The following GALNT9 variants were observed in gnomAD, a reference collection of about 807,000 sequenced individuals.
The protein encoded by GALNT9 is GalNAc transferase 9.
A neutral mutation model predicts 63.1 loss-of-function variants in GALNT9; 47 were observed. The ratio of observed to expected loss-of-function variants is 0.75; its 90% CI spans 0.59 to 0.95. The LOEUF is 0.95. Among genes scored for constraint, GALNT9 ranks in the 40% least tolerant of loss-of-function variants. The pLI is 0.00. For missense variants in GALNT9, 829 were observed against 874.8 expected, an observed-to-expected ratio of 0.95 and a Z score of 0.66; for synonymous variants, 396 against 365.7, an observed-to-expected ratio of 1.08 and a Z score of -0.94.
chr12:132,303,454 C>G (rs375740436), intron 1 of GALNT9, among the ~76,000 whole-genome samples: 3,139 of 83,444 alleles, frequency 0.038, 85 homozygotes, highest in African/African-American at 0.084. Flanking sequence ...CCCGGGCACA[C>G]CCTCGCCCGG....
chr12:132,323,929 C>T (rs921309711), intron 1 of GALNT9, among the ~76,000 whole-genome samples: 10 of 152,156 alleles, frequency 6.6e-5, no homozygotes, highest in Admixed American at 2.0e-4. Context: ...CAGCTGTCTT[C>T]CCGGCCACGG....
intron 1 of GALNT9, among the ~76,000 whole-genome samples, chr12:132,312,310 T>A (rs1881842176): frequency 1.3e-5 from 2 of 152,238 alleles, no homozygotes; most frequent in South Asian, 4.1e-4. Flanking sequence ...TGGAAGTATC[T>A]GGGGAGAAGG....
rs903498485 is a variant in GALNT9, at chr12:132,252,315, C to T, written c.960-4288G>A. 2.4e-4 allele frequency among the ~76,000 whole-genome samples: 36 copies of T among 152,342 alleles called. No individual in the cohort carries two copies. Among genetic ancestry groups the T allele is most frequent in the Non-Finnish European group, 4.6e-4 (31 of 68,024 alleles). On this transcript the variant is annotated intron_variant, in intron 5 of 10. Transcript: ENST00000328957. This position sits in a 1 kb window ranked among gnomAD's most constrained non-coding sequence, Gnocchi z 5.2. ...TGGGCACCTCCTGCAGCCGCATCCC[C>T]GCCACGACTGAAGCCTTCGTGTCTT...
In GALNT9 at chr12:132,282,040, G is replaced by A. The variant is rs1880371544; in HGVS notation, c.419+4210C>T. Among the ~76,000 whole-genome samples the A allele has an allele frequency of 7.0e-6, 1 of 143,582 alleles. No individual in the cohort carries two copies. Among genetic ancestry groups the A allele is most frequent in the African/African-American group, 2.7e-5 (1 of 36,834 alleles). The allele number at this position is 143,582 out of a possible 152,430, so 94.2% of individuals were successfully genotyped here. The stretch of plus-strand genomic sequence containing the variant: ...TGGGGGTCCCCGATCCCACAGAGGA[G>A]GAATCAGCTCCACTGCAGCAAGCCC... On this transcript the variant is annotated intron_variant, in intron 2 of 10. Transcript: ENST00000328957. The surrounding 1 kb of genome is among the most constrained non-coding windows in gnomAD (Gnocchi z 4.5).
chr12:132,219,022 T>A (rs1877329924), intron 6 of GALNT9, among the ~76,000 whole-genome samples: 1 of 151,940 alleles, frequency 6.6e-6, no homozygotes. Flanking sequence ...GCGCCCCGCA[T>A]TTTGAGCTCT....
In GALNT9 at chr12:132,196,974, C is replaced by T. The variant is rs1280673546; in HGVS notation, c.*133G>A. The T allele has an allele frequency of 6.6e-7, 1 of 1,507,364 alleles. No individual in the cohort carries two copies. Among genetic ancestry groups the T allele is most frequent in the Admixed American group, 2.1e-5 (1 of 48,108 alleles). 93.4% of individuals were successfully genotyped at this position (1,507,364 alleles called of 1,614,324 possible). A position where few individuals can be genotyped will look rare whatever the true frequency, so the allele number is the denominator to read the frequency against. On this transcript the variant is annotated 3_prime_UTR_variant, in exon 11 of 11. Transcript: ENST00000328957. ...TGGTCACTCAGCCACACCCCGGCCCCTCAGCCTCTGCTGTCCTGGCCGCAC... is the reference window on the plus strand; with the variant it reads ...TGGTCACTCAGCCACACCCCGGCCCTTCAGCCTCTGCTGTCCTGGCCGCAC...
chr12:132,272,238 A>G (rs965207569), intron 2 of GALNT9, among the ~76,000 whole-genome samples: 2 of 152,188 alleles, frequency 1.3e-5, no homozygotes, highest in East Asian at 3.9e-4. Flanking sequence ...CAGGTCTCAC[A>G]ACGACCCAGG....
intron 4 of GALNT9, among the ~76,000 whole-genome samples, chr12:132,258,578 A>T (rs535268211): frequency 6.6e-6 from 1 of 152,342 alleles, no homozygotes; most frequent in Admixed American, 6.5e-5. Context: ...GGAAGGAGGC[A>T]TAGAGGGAGT....
At chr12:132,210,546 C>G (rs879885709) in intron 6 of GALNT9, among the ~76,000 whole-genome samples, 2 of 152,066 alleles carry the variant, frequency 1.3e-5, no homozygotes, top group Non-Finnish European at 2.9e-5. Flanking sequence ...TGGCTGGGGA[C>G]GGCTTCCTGA....
intron 2 of GALNT9, among the ~76,000 whole-genome samples, chr12:132,266,935 G>C (rs1261962005): frequency 1.3e-5 from 2 of 152,170 alleles, no homozygotes; most frequent in Non-Finnish European, 2.9e-5. Context: ...CCTTGGCTGG[G>C]GGCAGAGACT....
intron 6 of GALNT9, among the ~76,000 whole-genome samples, chr12:132,227,754 G>C (rs1877751504): frequency 6.6e-6 from 1 of 152,246 alleles, no homozygotes; most frequent in South Asian, 2.1e-4. Context: ...TGGGGAAACG[G>C]AGGCTCAGGG....
Position 132,197,232 on chromosome 12 carries a change from C to T in GALNT9, c.1687G>A (p.Ala563Thr). The T allele has an allele frequency of 6.2e-7, 1 of 1,613,070 alleles. No individual in the cohort carries two copies. Among genetic ancestry groups the T allele is most frequent in the Non-Finnish European group, 8.5e-7 (1 of 1,179,968 alleles). The part of the protein sequence containing the change: ...FTQSGPIVSR[A>T]TGRCLEVEMS... Reference sequence around the variant, plus strand: ...TCCACCTCCAGGCAGCGGCCCGTGGCCCGGCTCACAATGGGGCCACTCTGT... The same window carrying T: ...TCCACCTCCAGGCAGCGGCCCGTGGTCCGGCTCACAATGGGGCCACTCTGT... The change falls in exon 11 of 11, where the codon GCC becomes ACC. Residue 563 changes from alanine to threonine, a missense_variant. By Grantham distance (58) the Ala-to-Thr change is moderately conservative. Transcript: ENST00000328957.
intron 1 of GALNT9, among the ~76,000 whole-genome samples, chr12:132,322,784 C>G (rs185161150): frequency 6.6e-6 from 1 of 152,326 alleles, no homozygotes; most frequent in Non-Finnish European, 1.5e-5. Context: ...TTCCGTGCTA[C>G]GAGATGATAC....
intron 2 of GALNT9, among the ~76,000 whole-genome samples, chr12:132,276,983 A>G (rs111467608): frequency 0.015 from 2,212 of 152,234 alleles, 56 homozygotes; most frequent in African/African-American, 0.05. Flanking sequence ...ACACAGATAC[A>G]TGCACACATG....
intron 7 of GALNT9, among the ~76,000 whole-genome samples, chr12:132,201,942 A>G (rs1876168676): frequency 6.6e-6 from 1 of 152,128 alleles, no homozygotes; most frequent in South Asian, 2.1e-4. Flanking sequence ...ACGGACAGCC[A>G]GCCCTGAGGG....
Position 132,286,299 on chromosome 12 carries a change from T to C in GALNT9, c.370A>G (p.Ser124Gly). ...CTCCGATCGAGGGAGATGCGGTCGCTGAGCTGAGCGTTGTAGCCGTACTCC... is the reference window on the plus strand; with the variant it reads ...CTCCGATCGAGGGAGATGCGGTCGCCGAGCTGAGCGTTGTAGCCGTACTCC... ...YEEYGYNAQL[S>G]DRISLDRSIP... The change falls in exon 2 of 11, where the codon AGC (serine) becomes GGC (glycine). Residue 124 changes from serine to glycine, a missense_variant. Physicochemically the swap from Ser to Gly is moderately conservative, Grantham distance 56. Transcript: ENST00000328957. This position sits in a 1 kb window ranked among gnomAD's most constrained non-coding sequence, Gnocchi z 7.4. 6.5e-7 allele frequency: 1 copy of C among 1,549,426 alleles called. No homozygotes were observed. Among genetic ancestry groups the C allele is most frequent in the Non-Finnish European group, 8.7e-7 (1 of 1,145,274 alleles).
chr12:132,213,804 C>T (rs1049234954), intron 6 of GALNT9, among the ~76,000 whole-genome samples: 1 of 152,236 alleles, frequency 6.6e-6, no homozygotes, highest in African/African-American at 2.4e-5. Context: ...GCTGCCAGCT[C>T]TCTCGAGCAG....
chr12:132,281,120 G>C (rs1555241649), intron 2 of GALNT9, among the ~76,000 whole-genome samples: 1 of 152,256 alleles, frequency 6.6e-6, no homozygotes, highest in African/African-American at 2.4e-5. Context: ...CACACTCGCT[G>C]AGCCGCGCCG....
Position 132,240,603 on chromosome 12 carries a change from C to T in GALNT9, c.1077+7307G>A, listed in dbSNP as rs140122185. ...CCGGGGCTCGGCTGTGGGCTCCGTG[C>T]GTGGCCCCGGGGCTCGGCTGTGCTC... On this transcript the variant is annotated intron_variant, in intron 6 of 10. Transcript: ENST00000328957. 87 of 455,216 alleles carry T rather than the reference C, an allele frequency of 1.9e-4. 1 individual carries two copies. Among genetic ancestry groups the T allele is most frequent in the Admixed American group, 5.7e-4 (24 of 42,476 alleles). 28.2% of individuals were successfully genotyped at this position (455,216 alleles called of 1,614,324 possible).
Sources: allele counts gnomAD v4.1 joint callset (sites outside exome capture counted in the v4.1 genomes callset), GRCh38; gene constraint gnomAD v4.1.1; non-coding constraint Gnocchi (gnomAD v3.1); transcripts MANE v1.5; gene names NCBI Gene and HGNC (gene_info 2026-07-23, HGNC 2026-07-21).